KIF11: variants seen among roughly 807,000 people sequenced by gnomAD.
KIF11 encodes kinesin family member 11, also known as kinesin-like protein KIF11.
In KIF11, 9 loss-of-function variants were observed where a neutral mutation model predicts 121.0. That is an observed-to-expected ratio of 0.07 (90% confidence interval 0.04 to 0.13). The LOEUF is 0.13. Ranked by LOEUF, KIF11 falls within the 10% of genes least tolerant of loss-of-function variation. The probability of loss-of-function intolerance (pLI) is 1.00; values close to 1 mark genes in which losing one functional copy is unlikely to be tolerated. For missense variants in KIF11, 846 were observed against 1,217.5 expected (o/e 0.69, Z 4.54); for synonymous variants, 408 against 421.0 (o/e 0.97, Z 0.38).
chr10:92,596,439 C>A (rs1466090782), intron 1 of KIF11, among the ~76,000 whole-genome samples: 2 of 152,166 alleles, frequency 1.3e-5, no homozygotes, highest in African/African-American at 4.8e-5. Context: ...GAGGAACCGA[C>A]AAACTATTTT....
rs1344682794 is a variant in KIF11, at chr10:92,649,856, G to A, written c.2792G>A (p.Ser931Asn). The A allele has an allele frequency of 6.2e-7, 1 of 1,609,378 alleles. No homozygotes were observed. Among genetic ancestry groups the A allele is most frequent in the Non-Finnish European group, 8.5e-7 (1 of 1,176,742 alleles). Residue 931 changes from serine to asparagine, a missense_variant, in exon 20 of 22, where the codon AGT becomes AAT. Around this residue, in one of 5 missense-constraint regions of KIF11, gnomAD observed 492 missense variants for 603.4 expected, o/e 0.82. Transcript: ENST00000260731. Reference protein sequence around the residue: ...IPTGTTPQRKSYLYPSTLVRT... With the variant: ...IPTGTTPQRKNYLYPSTLVRT... ...AAAGGTACGACACCACAGAGGAAAA[G>A]TTATTTATACCCATCAACACTGGTA...
At chr10:92,612,456 A>G (rs1055086115) in intron 6 of KIF11, among the ~76,000 whole-genome samples, 2 of 152,192 alleles carry the variant, frequency 1.3e-5, no homozygotes. Context: ...AGTATTTAGC[A>G]TAAGGTAGAC....
chr10:92,630,216 A>T lies in KIF11; in HGVS notation c.1346A>T (p.Gln449Leu), dbSNP rs1213107215. 2 of 1,589,378 alleles carry T rather than the reference A, an allele frequency of 1.3e-6. No homozygotes were observed. The highest frequency in any genetic ancestry group is 1.4e-5 in the African/African-American group (1 of 73,364). Residue 449 changes from glutamine to leucine, a missense_variant, in exon 12 of 22, where the codon CAG (glutamine) becomes CTG (leucine). By Grantham distance (113) the Gln-to-Leu change is moderately radical (BLOSUM62 -2). Coordinates refer to ENST00000260731, the MANE Select transcript of KIF11 (RefSeq NM_004523.4). ...LFMDNKNELD[Q>L]CKSDLQNKTQ... ...ATGGATAATAAAAATGAACTTGACC[A>T]GTGTAAATCTGACCTGCAAAATAAA... is the stretch of plus-strand genomic sequence containing the variant.
rs1477145354 is a variant in KIF11, at chr10:92,637,324, G to A, written c.2001+15G>A. On this transcript the variant is annotated intron_variant, in intron 15 of 21. Transcript: ENST00000260731. ...TGGCCGATAAGGTAACAAATGCTAT[G>A]TTCTTAATATCTCAAAATTGATGTG... 5 of 1,587,760 alleles carry A rather than the reference G, an allele frequency of 3.1e-6. No homozygotes were observed. Among genetic ancestry groups the A allele is most frequent in the Non-Finnish European group, 4.3e-6 (5 of 1,174,108 alleles).
intron 6 of KIF11, among the ~76,000 whole-genome samples, chr10:92,612,046 C>T (rs1175291307): frequency 6.6e-6 from 1 of 151,766 alleles, no homozygotes; most frequent in African/African-American, 2.4e-5. Flanking sequence ...GAAAGAATGT[C>T]TTTGGTCATC....
Position 92,593,293 on chromosome 10 carries a change from G to C in KIF11, c.-83G>C. The C allele has an allele frequency of 2.8e-6, 4 of 1,420,064 alleles. No individual in the cohort carries two copies. In the Admixed American group the frequency reaches 8.3e-5, roughly 30 times the overall value. The allele number at this position is 1,420,064 out of a possible 1,614,324, so 88.0% of individuals were successfully genotyped here. The stretch of plus-strand genomic sequence containing the variant: ...GCCCGAGAGGGACCAGGGAGACTCC[G>C]GCCCCTGTCGGCCGCCAAGCCCCTC... On this transcript the variant is annotated 5_prime_UTR_variant, in exon 1 of 22. Coordinates refer to ENST00000260731, the MANE Select transcript of KIF11 (RefSeq NM_004523.4).
At chr10:92,614,196 A>G (rs1844529383) in intron 8 of KIF11, among the ~76,000 whole-genome samples, 1 of 151,544 alleles carries the variant, frequency 6.6e-6, no homozygotes, top group Non-Finnish European at 1.5e-5. Context: ...TCCCAGGTTC[A>G]AGCGATTCTC....
At chr10:92,603,620 A>G (rs1387571723) in intron 1 of KIF11, among the ~76,000 whole-genome samples, 2 of 152,002 alleles carry the variant, frequency 1.3e-5, no homozygotes, top group Admixed American at 6.6e-5. Context: ...CCAAAGTGCT[A>G]GGATTACAGG....
chr10:92,640,963 A>T lies in KIF11; in HGVS notation c.2267+1063A>T, dbSNP rs1387258347. ...GGGTTTCGCCACGTTGGCCAGGCTGATCTTGAACTCCTGGTCTCAACTGAT... is the reference window on the plus strand; with the variant it reads ...GGGTTTCGCCACGTTGGCCAGGCTGTTCTTGAACTCCTGGTCTCAACTGAT... On this transcript the variant is annotated intron_variant, in intron 17 of 21. Transcript: ENST00000260731. Among the ~76,000 whole-genome samples, 10 of 149,630 alleles carry T rather than the reference A, an allele frequency of 6.7e-5. No homozygotes were observed. In the East Asian group the frequency reaches 1.8e-3, roughly 27 times the overall value.
chr10:92,604,939 G>T (rs1417253056), intron 1 of KIF11, among the ~76,000 whole-genome samples: 1 of 152,066 alleles, frequency 6.6e-6, no homozygotes, highest in Non-Finnish European at 1.5e-5. Context: ...GCTAAGCATG[G>T]TAGTTGTTGC....
Position 92,613,820 on chromosome 10 carries a change from C to CA in KIF11, c.1032+207dup, listed in dbSNP as rs1254020753. 2.0e-5 allele frequency among the ~76,000 whole-genome samples: 3 copies of CA among 151,846 alleles called. No individual in the cohort carries two copies. The highest frequency in any genetic ancestry group is 2.0e-4 in the Admixed American group (3 of 15,210). ...CGAAACCCTGTCTCTACCAAAAATA[C>CA]AAAAAATTAGCTGGGTTTGGTGGTG... On this transcript the variant is annotated intron_variant, in intron 8 of 21. Transcript: ENST00000260731. This position sits in a 1 kb window ranked among gnomAD's most constrained non-coding sequence, Gnocchi z 4.2.
In KIF11 at chr10:92,620,969, G is replaced by A. The variant is rs541101185; in HGVS notation, c.1129-416G>A. On this transcript the variant is annotated intron_variant, in intron 9 of 21. Transcript: ENST00000260731. ...GGGTTACATCTTCAAGTGGCTTACT[G>A]AGTCCTTTTGATTAACCTAGTAGGC... Among the ~76,000 whole-genome samples, 11 of 152,336 alleles carry A rather than the reference G, an allele frequency of 7.2e-5. No homozygotes were observed. In the East Asian group the frequency reaches 1.3e-3, roughly 19 times the overall value.
intron 10 of KIF11, among the ~76,000 whole-genome samples, chr10:92,624,773 T>G (rs201505585): frequency 1.5e-5 from 2 of 131,870 alleles, no homozygotes; most frequent in Non-Finnish European, 3.2e-5. Flanking sequence ...GTGTGTGTGG[T>G]TTTTTTTTTT....
intron 19 of KIF11, 43 bp downstream of exon 19, chr10:92,648,477 G>T: frequency 7.9e-7 from 1 of 1,270,068 alleles, no homozygotes; most frequent in South Asian, 1.4e-5. Flanking sequence ...TTTTGAAGTC[G>T]AATTCAACTC....
intron 12 of KIF11, among the ~76,000 whole-genome samples, chr10:92,631,255 C>G (rs1212915829): frequency 6.8e-6 from 1 of 146,454 alleles, no homozygotes; most frequent in African/African-American, 2.6e-5. Flanking sequence ...GATCATGCCA[C>G]TGCACTCCAG....
chr10:92,602,954 A>T (rs1447243974), intron 1 of KIF11, among the ~76,000 whole-genome samples: 6 of 150,454 alleles, frequency 4.0e-5, no homozygotes, highest in Non-Finnish European at 8.9e-5. Flanking sequence ...CTCCCGGTTC[A>T]AGCGATTCTC....
intron 1 of KIF11, among the ~76,000 whole-genome samples, chr10:92,603,075 G>A (rs1162932324): frequency 2.0e-5 from 3 of 151,542 alleles, no homozygotes; most frequent in African/African-American, 4.9e-5. Context: ...CAGAATCTTT[G>A]CAATTTCTGT....
chr10:92,614,339 C>T lies in KIF11; in HGVS notation c.1032+720C>T, dbSNP rs547566358. On this transcript the variant is annotated intron_variant, in intron 8 of 21. Transcript: ENST00000260731. ...CTCAAACCCCTGACCTCAGGTGAGC[C>T]GCCCGCCTTTGTCTCCCAAAGTTCT... 2.0e-5 allele frequency among the ~76,000 whole-genome samples: 3 copies of T among 152,206 alleles called. No homozygotes were observed. In the South Asian group the frequency reaches 6.2e-4, roughly 32 times the overall value.
chr10:92,609,777 C>T (rs886435548), intron 6 of KIF11, among the ~76,000 whole-genome samples: 4 of 152,034 alleles, frequency 2.6e-5, no homozygotes, highest in African/African-American at 4.8e-5. Context: ...GCTCTTGTTA[C>T]CCAGGCTGGA....
Sources: allele counts gnomAD v4.1 joint callset (sites outside exome capture counted in the v4.1 genomes callset), GRCh38; gene constraint gnomAD v4.1.1; regional missense constraint gnomAD v4.1.1; non-coding constraint Gnocchi (gnomAD v3.1); transcripts MANE v1.5; gene names NCBI Gene and HGNC (gene_info 2026-07-23, HGNC 2026-07-21).